The following FGF13 variants were observed in gnomAD, a reference collection of about 807,000 sequenced individuals.
FGF13 encodes fibroblast growth factor 13, also known as fibroblast growth factor homologous factor 2.
A neutral mutation model predicts 19.5 loss-of-function variants in FGF13; 2 were observed. That is an observed-to-expected ratio of 0.10 (90% CI 0.04 to 0.32). The LOEUF is 0.32. Ranked by LOEUF, FGF13 falls within the 10% of genes least tolerant of loss-of-function variation. FGF13 has a pLI of 1.00. For missense variants in FGF13, 113 were observed against 192.7 expected (o/e 0.59, Z 2.45); for synonymous variants, 72 against 76.9 (o/e 0.94, Z 0.33).
intron 3 of FGF13, among the ~76,000 whole-genome samples, chrX:138,702,149 A>G (rs1175833783): frequency 9.0e-6 from 1 of 110,564 alleles, no homozygotes; most frequent in Non-Finnish European, 1.9e-5. Flanking sequence ...ACGGCACTCC[A>G]GCCTGGGCCA....
At position 138,799,636 on chromosome X, in the gene FGF13, ATCTG is replaced by A. The variant is rs749115682; in HGVS notation, c.217+57872_217+57875del. Among the ~76,000 whole-genome samples the A allele has an allele frequency of 7.2e-5, 8 of 111,262 alleles. No individual in the cohort carries two copies. In the South Asian group the frequency reaches 1.2e-3, roughly 16 times the overall value. On this transcript the variant is annotated intron_variant, in intron 3 of 6. Transcript: ENST00000436198. ...TCCTTTTTAATGTTCTGTCTCATTG[ATCTG>A]TCTAATATTGACAATGGGGTGCTAA...
At chrX:139,069,553 T>C (rs1176611726) in intron 1 of FGF13, among the ~76,000 whole-genome samples, 1 of 102,266 alleles carries the variant, frequency 9.8e-6, no homozygotes, top group Non-Finnish European at 2.0e-5. Flanking sequence ...GCATGGCACA[T>C]GTATACATAG....
At chrX:139,111,793 G>A (rs1422540254) in intron 1 of FGF13, among the ~76,000 whole-genome samples, 1 of 112,010 alleles carries the variant, frequency 8.9e-6, no homozygotes, top group Non-Finnish European at 1.9e-5. Flanking sequence ...GCCGGAAAAT[G>A]AGCACAACGA....
chrX:139,011,363 A>C (rs929473064), intron 1 of FGF13, among the ~76,000 whole-genome samples: 1 of 5,190 alleles, frequency 1.9e-4, no homozygotes, highest in African/African-American at 5.4e-4. Flanking sequence ...CAAACAAACA[A>C]AAAAAAAAAA....
At chrX:138,654,854 CT>C (rs919764048) in intron 3 of FGF13, among the ~76,000 whole-genome samples, 2 of 111,154 alleles carry the variant, frequency 1.8e-5, no homozygotes, top group African/African-American at 6.6e-5. Context: ...TCTTTCTGTA[CT>C]TCATCAGTCA....
At chrX:138,846,575 T>A in intron 3 of FGF13, among the ~76,000 whole-genome samples, 1 of 112,336 alleles carries the variant, frequency 8.9e-6, no homozygotes, top group Admixed American at 9.4e-5. Flanking sequence ...TCTGCCATGA[T>A]TAAATGTCTC....
At chrX:139,043,298 G>A (rs1207980370) in intron 1 of FGF13, among the ~76,000 whole-genome samples, 4 of 110,384 alleles carry the variant, frequency 3.6e-5, no homozygotes, top group African/African-American at 6.6e-5. Context: ...TGCAACCCCC[G>A]CCTCCCAAGT....
chrX:138,862,456 T>TA lies in FGF13; in HGVS notation c.-39+2120dup, dbSNP rs2091293883. Among the ~76,000 whole-genome samples, 4 of 111,454 alleles carry TA rather than the reference T, an allele frequency of 3.6e-5. No individual in the cohort carries two copies. The South Asian group carries it at 1.5e-3, about 42-fold the overall frequency. On this transcript the variant is annotated intron_variant, in intron 2 of 2. Coordinates refer to the FGF13 transcript ENST00000421460. Reference sequence around the variant, plus strand: ...TTAGTGACTCCAACAATAAAATACTTAAAAAATCTATGAAACAGAAAATAT... The same window carrying TA: ...TTAGTGACTCCAACAATAAAATACTTAAAAAAATCTATGAAACAGAAAATAT...
chrX:138,631,551 A>G lies in FGF13; in HGVS notation c.*1299T>C. 1 of 112,749 alleles carries G rather than the reference A, an allele frequency of 8.9e-6. No individual in the cohort carries two copies. Among genetic ancestry groups the G allele is most frequent in the Non-Finnish European group, 1.9e-5 (1 of 53,323 alleles). The allele number at this position is 112,749 out of a possible 1,213,427, so 9.3% of individuals were successfully genotyped here. On this transcript the variant is annotated 3_prime_UTR_variant, in exon 5 of 5. Transcript: ENST00000315930. ...GTTACTGGCACATAATGGACGCTCA[A>G]TAAATACATGTTGGAAGATTATTCT...
intron 3 of FGF13, among the ~76,000 whole-genome samples, chrX:138,748,662 A>G (rs758369101): frequency 8.9e-6 from 1 of 111,887 alleles, no homozygotes; most frequent in African/African-American, 3.2e-5. Flanking sequence ...TTTTCAAACA[A>G]CGCCACCTAG....
intron 3 of FGF13, among the ~76,000 whole-genome samples, chrX:138,785,586 C>T (rs973827515): frequency 2.0e-5 from 2 of 98,723 alleles, no homozygotes; most frequent in African/African-American, 6.6e-5. Flanking sequence ...TTTGACACAG[C>T]CAACTAGCCA....
chrX:138,985,980 A>T (rs887733957), intron 1 of FGF13, among the ~76,000 whole-genome samples: 1 of 111,910 alleles, frequency 8.9e-6, no homozygotes, highest in Non-Finnish European at 1.9e-5. Context: ...AACAGCAAAC[A>T]GCACACTGTT....
intron 3 of FGF13, among the ~76,000 whole-genome samples, chrX:138,770,375 GCACT>G (rs1189423949): frequency 2.7e-5 from 3 of 110,322 alleles, no homozygotes; most frequent in Admixed American, 9.7e-5. Flanking sequence ...CCCAAGCAGG[GCACT>G]CAATTTCAGA....
At chrX:138,667,302 C>CAG (rs1204795641) in intron 3 of FGF13, among the ~76,000 whole-genome samples, 37 of 106,997 alleles carry the variant, frequency 3.5e-4, no homozygotes, top group African/African-American at 1.2e-3. Context: ...AAGACAAAGA[C>CAG]AGAGAGAGAG....
chrX:139,005,082 A>G (rs2124366500), intron 1 of FGF13, among the ~76,000 whole-genome samples: 1 of 109,796 alleles, frequency 9.1e-6, no homozygotes, highest in Non-Finnish European at 1.9e-5. Flanking sequence ...ACATAGATGG[A>G]AGACAGGTAG....
chrX:139,017,099 C>T (rs377249316), intron 1 of FGF13, among the ~76,000 whole-genome samples: 1 of 90,113 alleles, frequency 1.1e-5, no homozygotes, highest in South Asian at 4.7e-4. Flanking sequence ...TATATATACA[C>T]ACACACATAT....
chrX:139,045,780 C>T (rs2092285424), intron 1 of FGF13, among the ~76,000 whole-genome samples: 1 of 112,294 alleles, frequency 8.9e-6, no homozygotes, highest in Non-Finnish European at 1.9e-5. Flanking sequence ...ATAAGTTCCT[C>T]ATTTCCATCT....
intron 1 of FGF13, among the ~76,000 whole-genome samples, chrX:139,062,688 C>T (rs1468956228): frequency 8.9e-6 from 1 of 111,814 alleles, no homozygotes; most frequent in East Asian, 2.8e-4. Context: ...CACTAGGTAT[C>T]TTTCCATTTA....
intron 3 of FGF13, among the ~76,000 whole-genome samples, chrX:138,755,525 G>C (rs1050492101): frequency 2.7e-5 from 3 of 112,160 alleles, no homozygotes; most frequent in Non-Finnish European, 5.6e-5. Context: ...CCTAGTATGT[G>C]GCCTGCATAA....
Sources: allele counts gnomAD v4.1 joint callset (sites outside exome capture counted in the v4.1 genomes callset), GRCh38; gene constraint gnomAD v4.1.1; transcripts MANE v1.5; gene names NCBI Gene and HGNC (gene_info 2026-07-23, HGNC 2026-07-21).